TELO2: variants seen among roughly 807,000 people sequenced by gnomAD.
TELO2 encodes telomere length regulation protein TEL2 homolog.
In TELO2, 71 loss-of-function variants were observed where a neutral mutation model predicts 91.0. That is an observed-to-expected ratio of 0.78 (90% CI 0.64 to 0.95). The LOEUF is 0.95. Ranked by LOEUF, TELO2 falls within the 40% of genes least tolerant of loss-of-function variation. TELO2 has a pLI of 0.00. For synonymous variants in TELO2, 584 were observed against 518.9 expected, an observed-to-expected ratio of 1.13 and a Z score of -1.71; for missense variants, 1,183 against 1,141.3, an observed-to-expected ratio of 1.04 and a Z score of -0.53.
Position 1,500,653 on chromosome 16 carries a change from T to A in TELO2, c.1235T>A (p.Val412Asp). ...CGCCTGGGCATGATCGTGGCAGAGG[T>A]CGTTAGTGCCCGGATCCACCCCGAG... ...VRRLGMIVAE[V>D]VSARIHPEGP... The change falls in exon 9 of 21, where the codon GTC (valine) becomes GAC (aspartate). Residue 412 changes from valine to aspartate, a missense_variant. Transcript: ENST00000262319. The A allele has an allele frequency of 3.7e-6, 6 of 1,612,264 alleles. No homozygotes were observed. The highest frequency in any genetic ancestry group is 5.1e-6 in the Non-Finnish European group (6 of 1,179,730).
rs780458249 is a variant in TELO2 at position 1,500,145 on chromosome 16, G to A, written c.983G>A (p.Arg328Gln). The A allele has an allele frequency of 1.7e-5, 28 of 1,606,890 alleles. No individual in the cohort carries two copies. The highest frequency in any genetic ancestry group is 1.3e-4 in the African/African-American group (10 of 74,888). ...GGCCATCTGGCCATGGACAGCCAGC[G>A]GCGCCCGCTCCTGCTGCAGGTACGT... The part of the protein sequence containing the change: ...LLGHLAMDSQ[R>Q]RPLLLQVLKE... The change falls in exon 7 of 21, where the codon CGG (arginine) becomes CAG (glutamine). Residue 328 changes from arginine (R) to glutamine (Q), a missense_variant. By Grantham distance (43) the Arg-to-Gln change is conservative (BLOSUM62 1). Transcript: ENST00000262319.
At position 1,502,936 on chromosome 16, in the gene TELO2, C is replaced by T. The variant is rs113130697; in HGVS notation, c.1776C>T (p.Ala592=). 1.9e-5 allele frequency: 30 copies of T among 1,611,100 alleles called. No homozygotes were observed. The African/African-American group carries it at 2.1e-4, about 11-fold the overall frequency. The change falls in exon 15 of 21, where the codon GCC becomes GCT. Residue 592 remains alanine (A), a synonymous_variant. Transcript: ENST00000262319. ...AVTVTDPAPV[A]DYLTSQFYAL... The stretch of plus-strand genomic sequence containing the variant: ...CCTCTCCCCTGTGTCCTCAGGTGGC[C>T]GACTATCTGACCTCACAGTTCTATG...
chr16:1,505,267 A>T lies in TELO2; in HGVS notation c.1843-143A>T. On this transcript the variant is annotated intron_variant, in intron 15 of 20. Coordinates refer to ENST00000262319, the MANE Select transcript of TELO2 (RefSeq NM_016111.4). The surrounding 1 kb of genome is among the most constrained non-coding windows in gnomAD (Gnocchi z 4.3). Reference sequence around the variant, plus strand: ...GGTTGCTGTGAGCTACGGGGAAGTGACTTTTCTCCTTGTTCCCAGAACACA... The same window carrying T: ...GGTTGCTGTGAGCTACGGGGAAGTGTCTTTTCTCCTTGTTCCCAGAACACA... 1.0e-6 allele frequency: 1 copy of T among 994,076 alleles called. No individual in the cohort carries two copies. Among genetic ancestry groups the T allele is most frequent in the Non-Finnish European group, 1.4e-6 (1 of 695,172 alleles). 61.6% of individuals were successfully genotyped at this position (994,076 alleles called of 1,614,324 possible).
intron 2 of TELO2, among the ~76,000 whole-genome samples, 188 bp from the exon 3 acceptor site, chr16:1,495,158 C>G (rs1272668903): frequency 3.3e-5 from 5 of 152,230 alleles, no homozygotes; most frequent in Non-Finnish European, 5.9e-5. Context: ...CCCGAGAGCT[C>G]TCACACAGTA....
chr16:1,500,817 G>C, intron 9 of TELO2, 118 bp downstream of exon 9: 3 of 1,454,912 alleles, frequency 2.1e-6, no homozygotes, highest in Non-Finnish European at 2.8e-6. Flanking sequence ...GAGCGTCCGT[G>C]TGGACTTCTC....
Position 1,500,713 on chromosome 16 carries a change from C to T in TELO2, c.1281+14C>T, listed in dbSNP as rs1395144004. On this transcript the variant is annotated intron_variant, in intron 9 of 20. Transcript: ENST00000262319. ...CTGAAATTCCAGGTGAGCGGGCCGT[C>T]CCCTCCGCGTCCCCGTGTGGCTGGC... 2.5e-6 allele frequency: 4 copies of T among 1,611,324 alleles called. No individual in the cohort carries two copies. The highest frequency in any genetic ancestry group is 3.4e-6 in the Non-Finnish European group (4 of 1,179,662).
intron 15 of TELO2, among the ~76,000 whole-genome samples, chr16:1,503,825 T>C (rs1224145433): frequency 6.6e-6 from 1 of 152,088 alleles, no homozygotes; most frequent in Non-Finnish European, 1.5e-5. Flanking sequence ...GCCACGGAAC[T>C]GTACACTTAA....
chr16:1,497,347 G>T lies in TELO2; in HGVS notation c.683-14G>T. The T allele has an allele frequency of 1.3e-6, 2 of 1,535,428 alleles. No individual in the cohort carries two copies. Among genetic ancestry groups the T allele is most frequent in the Non-Finnish European group, 1.8e-6 (2 of 1,137,672 alleles). ...GCAGCTCCCCAGGCTCAGGTCCTCC[G>T]TCTGTCCCCTCAGAGGAGATCCTGG... On this transcript the variant is annotated splice_polypyrimidine_tract_variant and intron_variant, in intron 4 of 20. Transcript: ENST00000262319. This position sits in a 1 kb window ranked among gnomAD's most constrained non-coding sequence, Gnocchi z 4.0.
At position 1,502,952 on chromosome 16, in the gene TELO2, C is replaced by T; in HGVS notation, c.1792C>T (p.Gln598Ter). Residue 598 changes from glutamine to a stop codon, truncating the protein, a stop_gained, in exon 15 of 21, where the codon CAG (glutamine) becomes TAG (stop). Coordinates refer to ENST00000262319, the MANE Select transcript of TELO2 (RefSeq NM_016111.4). LOFTEE classifies it high-confidence loss of function. Reference sequence around the variant, plus strand: ...TCAGGTGGCCGACTATCTGACCTCACAGTTCTATGCCCTCAACTACAGCCT... The same window carrying T: ...TCAGGTGGCCGACTATCTGACCTCATAGTTCTATGCCCTCAACTACAGCCT... Reference protein sequence around the residue: ...PAPVADYLTSQFYALNYSLRQ... With the variant: ...PAPVADYLTS 6.2e-7 allele frequency: 1 copy of T among 1,611,500 alleles called. No individual in the cohort carries two copies. Among genetic ancestry groups the T allele is most frequent in the Non-Finnish European group, 8.5e-7 (1 of 1,180,016 alleles).
intron 15 of TELO2, among the ~76,000 whole-genome samples, chr16:1,504,707 G>A (rs1008273940): frequency 1.9e-4 from 29 of 151,184 alleles, no homozygotes; most frequent in East Asian, 4.0e-4. Flanking sequence ...ACAGGCGCCC[G>A]CCACCACGCC....
At chr16:1,499,361 G>C in intron 6 of TELO2, 28 bp downstream of exon 6, 1 of 1,609,872 alleles carries the variant, frequency 6.2e-7, no homozygotes, top group Non-Finnish European at 8.5e-7. Flanking sequence ...GGTGCAGGCT[G>C]CTGGCTGCCC....
At chr16:1,495,300 C>T (rs997634227) in intron 2 of TELO2, 46 bp from the exon 3 acceptor site, 13 of 1,495,958 alleles carry the variant, frequency 8.7e-6, no homozygotes, top group South Asian at 5.2e-5. Context: ...AAGGGGGCCC[C>T]GAGGATGGGG....
rs750159342 is a variant in TELO2, at chr16:1,494,935, T to G, written c.335+319T>G. 6.6e-6 allele frequency among the ~76,000 whole-genome samples: 1 copy of G among 152,214 alleles called. No homozygotes were observed. Among genetic ancestry groups the G allele is most frequent in the Non-Finnish European group, 1.5e-5 (1 of 68,040 alleles). On this transcript the variant is annotated intron_variant, in intron 2 of 20. Coordinates refer to ENST00000262319, the MANE Select transcript of TELO2 (RefSeq NM_016111.4). This position sits in a 1 kb window ranked among gnomAD's most constrained non-coding sequence, Gnocchi z 5.6. ...TCCAGGTTTTCCAGGGAAGCACAGC[T>G]GTCATCACTGACACGTGTCCCATGT...
intron 3 of TELO2, among the ~76,000 whole-genome samples, chr16:1,496,025 G>C (rs1009145240): frequency 2.0e-5 from 3 of 152,234 alleles, no homozygotes; most frequent in Non-Finnish European, 2.9e-5. Flanking sequence ...TCCCTGGGGC[G>C]CCAGATGGCG....
In TELO2 at chr16:1,510,059, A is replaced by G; in HGVS notation, c.*123A>G. 2.5e-6 allele frequency: 2 copies of G among 793,026 alleles called. No homozygotes were observed. Among genetic ancestry groups the G allele is most frequent in the Non-Finnish European group, 4.0e-6 (2 of 500,142 alleles). 49.1% of individuals were successfully genotyped at this position (793,026 alleles called of 1,614,324 possible). Reference sequence around the variant, plus strand: ...GTCTTCGGCCGCATCCGGTACGGAGAGTGCAGATGCAGGAAGGCCCGGCCT... The same window carrying G: ...GTCTTCGGCCGCATCCGGTACGGAGGGTGCAGATGCAGGAAGGCCCGGCCT... On this transcript the variant is annotated 3_prime_UTR_variant, in exon 21 of 21. Transcript: ENST00000262319.
At position 1,501,719 on chromosome 16, in the gene TELO2, T is replaced by G. The variant is rs921195859; in HGVS notation, c.1418T>G (p.Val473Gly). 1.2e-6 allele frequency: 2 copies of G among 1,612,330 alleles called. No individual in the cohort carries two copies. The highest frequency in any genetic ancestry group is 2.7e-5 in the African/African-American group (2 of 74,916). ...CCTGCAGAGACCCCCGCAGAGATCGTGGATGGCGGCGTCCCCCAAGCACAG... is the reference window on the plus strand; with the variant it reads ...CCTGCAGAGACCCCCGCAGAGATCGGGGATGGCGGCGTCCCCCAAGCACAG... ...EPPAETPAEI[V>G]DGGVPQAQLA... The change falls in exon 11 of 21, where the codon GTG (valine) becomes GGG (glycine). Residue 473 changes from valine (V) to glycine (G), a missense_variant. By Grantham distance (109) the Val-to-Gly change is moderately radical. Transcript: ENST00000262319.
intron 9 of TELO2, 27 bp downstream of exon 9, chr16:1,500,726 C>A: frequency 6.2e-7 from 1 of 1,609,682 alleles, no homozygotes; most frequent in Non-Finnish European, 8.5e-7. Context: ...CTCCGCGTCC[C>A]CGTGTGGCTG....
intron 18 of TELO2, 33 bp from the exon 19 acceptor site, chr16:1,507,273 G>T: frequency 6.2e-7 from 1 of 1,603,520 alleles, no homozygotes; most frequent in South Asian, 1.1e-5. Context: ...ACGGCGTCGG[G>T]ACCCCACTGA....
chr16:1,500,271 C>T (rs1315524204), intron 7 of TELO2, 76 bp from the exon 8 acceptor site: 1 of 1,533,032 alleles, frequency 6.5e-7, no homozygotes, highest in Non-Finnish European at 8.8e-7. Context: ...GGCGGAGCTC[C>T]CTCAGAGTGG....
Sources: allele counts gnomAD v4.1 joint callset (sites outside exome capture counted in the v4.1 genomes callset), GRCh38; gene constraint gnomAD v4.1.1; non-coding constraint Gnocchi (gnomAD v3.1); transcripts MANE v1.5; gene names NCBI Gene and HGNC (gene_info 2026-07-23, HGNC 2026-07-21).